The following MAP4K3 variants were observed in gnomAD, a reference collection of about 807,000 sequenced individuals.
MAP4K3 encodes the protein MAPK/ERK kinase kinase kinase 3.
MAP4K3 carries 94 observed loss-of-function variants against 143.5 expected under a neutral mutation model. The observed-to-expected ratio is 0.65, with a 90% CI of 0.55 to 0.78. The LOEUF is 0.78. MAP4K3 is among the 30% of genes least tolerant of loss of function. The probability of loss-of-function intolerance (pLI) is 0.00; values close to 1 mark genes in which losing one functional copy is unlikely to be tolerated. For missense variants in MAP4K3, 1,077 were observed against 1,068.1 expected (o/e 1.01, Z -0.12); for synonymous variants, 416 against 347.2 (o/e 1.20, Z -2.20).
intron 27 of MAP4K3, among the ~76,000 whole-genome samples, chr2:39,266,930 T>G (rs1443553871): frequency 1.3e-5 from 2 of 151,772 alleles, no homozygotes; most frequent in Non-Finnish European, 2.9e-5. Context: ...GTCATACAAC[T>G]TTCTCCATTT....
intron 1 of MAP4K3, among the ~76,000 whole-genome samples, chr2:39,420,300 T>C (rs193181809): frequency 6.9e-4 from 105 of 152,388 alleles, no homozygotes; most frequent in Non-Finnish European, 1.0e-3. Context: ...AGACCATAAC[T>C]TCCATATACA....
intron 22 of MAP4K3, among the ~76,000 whole-genome samples, chr2:39,280,687 T>G (rs139350272): frequency 2.6e-5 from 4 of 152,210 alleles, no homozygotes; most frequent in African/African-American, 9.6e-5. Flanking sequence ...TCAAGAGCAA[T>G]ACAATAGTCT....
chr2:39,364,258 T>C (rs989713757), intron 2 of MAP4K3, among the ~76,000 whole-genome samples: 1 of 152,148 alleles, frequency 6.6e-6, no homozygotes, highest in Non-Finnish European at 1.5e-5. Context: ...GAAGTAAGAA[T>C]TAGGAGTTGC....
At chr2:39,286,998 T>C in intron 20 of MAP4K3, 34 bp from the exon 21 acceptor site, 1 of 1,308,606 alleles carries the variant, frequency 7.6e-7, no homozygotes, top group Admixed American at 2.0e-5. Context: ...AAATGATTAA[T>C]CTTCATGAAA....
chr2:39,265,082 C>T (rs2148445625), intron 28 of MAP4K3, 121 bp downstream of exon 28: 1 of 736,050 alleles, frequency 1.4e-6, no homozygotes, highest in African/African-American at 1.8e-5. Flanking sequence ...TACAACCCTG[C>T]CACATTATCT....
At chr2:39,424,226 G>C (rs917541594) in intron 1 of MAP4K3, among the ~76,000 whole-genome samples, 3 of 152,182 alleles carry the variant, frequency 2.0e-5, no homozygotes, top group Non-Finnish European at 1.5e-5. Context: ...TTACAGGCGT[G>C]AGCCATCGCG....
intron 13 of MAP4K3, among the ~76,000 whole-genome samples, chr2:39,312,001 A>G (rs980498861): frequency 6.6e-6 from 1 of 152,252 alleles, no homozygotes; most frequent in Non-Finnish European, 1.5e-5. Context: ...ATTGGTAAAT[A>G]TACAAATACA....
intron 23 of MAP4K3, among the ~76,000 whole-genome samples, chr2:39,279,958 A>G (rs1681445964): frequency 6.6e-6 from 1 of 152,082 alleles, no homozygotes; most frequent in African/African-American, 2.4e-5. Context: ...TTCCCTATAA[A>G]TAAAAAATAA....
chr2:39,251,745 A>C, intron 33 of MAP4K3, 85 bp downstream of exon 33: 1 of 1,121,230 alleles, frequency 8.9e-7, no homozygotes, highest in Non-Finnish European at 1.3e-6. Context: ...CAGACATTTC[A>C]ATTCTCTTGA....
intron 1 of MAP4K3, among the ~76,000 whole-genome samples, chr2:39,405,236 T>C (rs778936060): frequency 2.6e-5 from 4 of 152,198 alleles, no homozygotes; most frequent in Non-Finnish European, 5.9e-5. Flanking sequence ...AGAGAAATGA[T>C]GTTTCTTTAG....
intron 1 of MAP4K3, chr2:39,436,677 G>C: frequency 1.8e-6 from 1 of 552,928 alleles, no homozygotes; most frequent in Admixed American, 3.3e-5. Flanking sequence ...CATGTCCACC[G>C]GGGGGGCTCA....
chr2:39,336,557 T>A (rs1342740810), intron 6 of MAP4K3, among the ~76,000 whole-genome samples: 3 of 150,342 alleles, frequency 2.0e-5, no homozygotes, highest in Admixed American at 2.0e-4. Context: ...TACTAAGACT[T>A]AGACTTAAGA....
intron 1 of MAP4K3, among the ~76,000 whole-genome samples, chr2:39,427,121 C>T (rs1044494111): frequency 6.6e-6 from 1 of 151,928 alleles, no homozygotes; most frequent in Non-Finnish European, 1.5e-5. Flanking sequence ...ATTATATTGA[C>T]AACAGACTTC....
At chr2:39,251,530 G>A (rs1329536827) in intron 33 of MAP4K3, among the ~76,000 whole-genome samples, 1 of 151,952 alleles carries the variant, frequency 6.6e-6, no homozygotes, top group African/African-American at 2.4e-5. Flanking sequence ...AAATCCTATC[G>A]GCATTAACAA....
intron 15 of MAP4K3, among the ~76,000 whole-genome samples, chr2:39,306,193 TTAATAAATAC>T (rs767542239): frequency 7.0e-4 from 107 of 152,366 alleles, no homozygotes; most frequent in African/African-American, 2.5e-3. Context: ...ATGGAGGATA[TTAATAAATAC>T]TAGAGTCAAT....
intron 3 of MAP4K3, among the ~76,000 whole-genome samples, chr2:39,345,814 C>T (rs890703140): frequency 4.8e-5 from 7 of 147,072 alleles, no homozygotes; most frequent in Admixed American, 2.1e-4. Context: ...CCCAGCTACT[C>T]GGGAGACTGA....
chr2:39,377,865 T>G (rs1666260620), intron 2 of MAP4K3, among the ~76,000 whole-genome samples: 1 of 152,148 alleles, frequency 6.6e-6, no homozygotes, highest in African/African-American at 2.4e-5. Context: ...CCCCCAATTA[T>G]CAGTTACTTT....
At chr2:39,397,208 T>C (rs1324106438) in intron 1 of MAP4K3, among the ~76,000 whole-genome samples, 1 of 152,212 alleles carries the variant, frequency 6.6e-6, no homozygotes, top group Non-Finnish European at 1.5e-5. Flanking sequence ...AAAAATCCTA[T>C]ATAGTACTCA....
chr2:39,345,921 C>CA (rs66729858), intron 3 of MAP4K3, among the ~76,000 whole-genome samples: 3,973 of 15,672 alleles, frequency 0.25, 922 homozygotes, highest in Non-Finnish European at 0.3. Context: ...GACTCTGTCT[C>CA]AAAAAAAAAA....
Sources: allele counts gnomAD v4.1 joint callset (sites outside exome capture counted in the v4.1 genomes callset), GRCh38; gene constraint gnomAD v4.1.1; transcripts MANE v1.5; gene names NCBI Gene and HGNC (gene_info 2026-07-23, HGNC 2026-07-21).